Variants in PRKAA1 observed in about 807,000 individuals in gnomAD.
PRKAA1 encodes protein kinase AMP-activated catalytic subunit alpha 1.
A neutral mutation model predicts 56.9 loss-of-function variants in PRKAA1; 23 were observed. The ratio of observed to expected loss-of-function variants is 0.40; its 90% confidence interval spans 0.29 to 0.57. The LOEUF (loss-of-function observed/expected upper bound fraction) is 0.57, where lower values mean the gene tolerates loss of function less well. PRKAA1 is among the 20% of genes least tolerant of loss of function. The probability of loss-of-function intolerance (pLI) is 0.39; values close to 1 mark genes in which losing one functional copy is unlikely to be tolerated. For missense variants in PRKAA1, 413 were observed against 679.7 expected (o/e 0.61, Z 4.36); for synonymous variants, 226 against 227.0 (o/e 1.00, Z 0.04).
At position 40,764,641 on chromosome 5, in the gene PRKAA1, C is replaced by G; in HGVS notation, c.1309-1G>C. ...CACGCAAATAATATGGGTTTACAAC[C>G]TAGCACATGGTATAACAAAAACCAA... On this transcript the variant is annotated splice_acceptor_variant, in intron 7 of 8. Transcript: ENST00000397128. LOFTEE classifies it high-confidence loss of function. 6.2e-7 allele frequency: 1 copy of G among 1,613,248 alleles called. No homozygotes were observed. The highest frequency in any genetic ancestry group is 1.1e-5 in the South Asian group (1 of 90,986).
intron 1 of PRKAA1, among the ~76,000 whole-genome samples, chr5:40,792,195 C>G (rs546811380): frequency 2.0e-4 from 30 of 152,280 alleles, no homozygotes; most frequent in African/African-American, 6.7e-4. Flanking sequence ...GCCTTTTATA[C>G]ATAAGTGGTA....
Position 40,764,791 on chromosome 5 carries a change from T to C in PRKAA1, c.1269A>G (p.Glu423=), listed in dbSNP as rs1242002598. Residue 423 remains glutamate (E), a synonymous_variant, in exon 7 of 9, where the codon GAA becomes GAG. Coordinates refer to ENST00000397128, the MANE Select transcript of PRKAA1 (RefSeq NM_006251.6). The part of the protein sequence containing the change: ...SQSRPNDIMA[E]VCRAIKQLDY... Reference sequence around the variant, plus strand: ...CCAATTGTTTGATTGCTCTACATACTTCTGCCATAATATCATTTGGTCGAC... The same window carrying C: ...CCAATTGTTTGATTGCTCTACATACCTCTGCCATAATATCATTTGGTCGAC... The C allele has an allele frequency of 6.2e-7, 1 of 1,613,840 alleles. No individual in the cohort carries two copies. The highest frequency in any genetic ancestry group is 8.5e-7 in the Non-Finnish European group (1 of 1,179,804).
intron 1 of PRKAA1, among the ~76,000 whole-genome samples, chr5:40,792,070 C>T (rs1744740147): frequency 6.6e-6 from 1 of 152,216 alleles, no homozygotes; most frequent in African/African-American, 2.4e-5. Context: ...ACACAATGTC[C>T]TCCTTTACCT....
intron 1 of PRKAA1, among the ~76,000 whole-genome samples, chr5:40,786,825 G>T (rs2112082582): frequency 6.7e-6 from 1 of 149,260 alleles, no homozygotes; most frequent in South Asian, 2.1e-4. Context: ...TGCCAGTGGT[G>T]GTGCACGCCT....
chr5:40,771,691 C>T (rs532456619), intron 4 of PRKAA1, 28 bp downstream of exon 4: 20 of 1,580,638 alleles, frequency 1.3e-5, no homozygotes, highest in Middle Eastern at 1.7e-4. Flanking sequence ...TAGAAATGAA[C>T]GTTAAGAAAC....
intron 1 of PRKAA1, among the ~76,000 whole-genome samples, chr5:40,794,917 C>A (rs1337284665): frequency 6.6e-6 from 1 of 151,304 alleles, no homozygotes; most frequent in East Asian, 1.9e-4. Flanking sequence ...ATGTTTATAG[C>A]AGCACAATTC....
At chr5:40,775,204 C>T (rs1743943038) in intron 3 of PRKAA1, among the ~76,000 whole-genome samples, 1 of 152,224 alleles carries the variant, frequency 6.6e-6, no homozygotes, top group African/African-American at 2.4e-5. Flanking sequence ...CCGCGAGGCT[C>T]AGTATCCACA....
chr5:40,788,982 G>A lies in PRKAA1; in HGVS notation c.127+9081C>T, dbSNP rs1478231085. On this transcript the variant is annotated intron_variant, in intron 1 of 8. Transcript: ENST00000397128. ...TCTCAGCACTTTGGGAGGCCGACGC[G>A]GGTGGATCACTTGAGCCCAAGAATA... is the stretch of plus-strand genomic sequence containing the variant. Among the ~76,000 whole-genome samples the A allele has an allele frequency of 1.1e-4, 17 of 152,222 alleles. 1 individual carries two copies. In the South Asian group the frequency reaches 1.2e-3, roughly 11 times the overall value.
intron 1 of PRKAA1, among the ~76,000 whole-genome samples, chr5:40,791,675 A>C (rs1015414675): frequency 6.6e-6 from 1 of 152,244 alleles, no homozygotes; most frequent in East Asian, 1.9e-4. Context: ...TTAAGGAAAT[A>C]GCTTAATCCT....
chr5:40,797,561 T>G (rs1053480876), intron 1 of PRKAA1, among the ~76,000 whole-genome samples: 1 of 152,050 alleles, frequency 6.6e-6, no homozygotes, highest in Non-Finnish European at 1.5e-5. Flanking sequence ...GGAAACACAT[T>G]TCGCACTCGG....
intron 1 of PRKAA1, among the ~76,000 whole-genome samples, chr5:40,784,575 T>A (rs915874293): frequency 4.6e-5 from 7 of 152,176 alleles, no homozygotes; most frequent in African/African-American, 1.7e-4. Context: ...GCAGCTTAAT[T>A]TGATGTGAGT....
In PRKAA1 at chr5:40,777,474, C is replaced by G; in HGVS notation, c.240G>C (p.Lys80Asn). ...TAATTATATGAGGATGCCTGAAAAGCTTGAGGTTCTGAATTTCTCTGCGGA... is the reference window on the plus strand; with the variant it reads ...TAATTATATGAGGATGCCTGAAAAGGTTGAGGTTCTGAATTTCTCTGCGGA... Reference protein sequence around the residue: ...GKIRREIQNLKLFRHPHIIKL... With the variant: ...GKIRREIQNLNLFRHPHIIKL... Residue 80 changes from lysine (K) to asparagine (N), a missense_variant, in exon 2 of 9, where the codon AAG (lysine) becomes AAC (asparagine). Lys to Asn is a moderately conservative substitution (Grantham distance 94). This residue lies in a region of PRKAA1 where 16 missense variants were observed against 30.9 expected (regional missense o/e 0.52). Coordinates refer to ENST00000397128, the MANE Select transcript of PRKAA1 (RefSeq NM_006251.6). 6.2e-7 allele frequency: 1 copy of G among 1,613,414 alleles called. No individual in the cohort carries two copies. The highest frequency in any genetic ancestry group is 8.5e-7 in the Non-Finnish European group (1 of 1,179,410).
chr5:40,762,845 C>T lies in PRKAA1; in HGVS notation c.1613G>A (p.Arg538Lys), dbSNP rs1436516797. The change falls in exon 9 of 9, where the codon AGA becomes AAA. Residue 538 changes from arginine (R) to lysine (K), a missense_variant. This residue lies in a region of PRKAA1 where 139 missense variants were observed against 171.5 expected (regional missense o/e 0.81). Transcript: ENST00000397128. ...LDSSPVDLTP[R>K]PGSHTIEFFE... ...AAATTCTATTGTGTGACTTCCAGGT[C>T]TTGGAGTTAGGTCAACAGGAGAAGA... 6.2e-7 allele frequency: 1 copy of T among 1,614,098 alleles called. No individual in the cohort carries two copies. The highest frequency in any genetic ancestry group is 2.2e-5 in the East Asian group (1 of 44,876).
In PRKAA1 at chr5:40,765,213, G is replaced by T. The variant is rs1479685526; in HGVS notation, c.847C>A (p.Leu283Ile). Residue 283 changes from leucine (L) to isoleucine (I), a missense_variant, in exon 7 of 9, where the codon CTT becomes ATT. Coordinates refer to ENST00000397128, the MANE Select transcript of PRKAA1 (RefSeq NM_006251.6). Reference protein sequence around the residue: ...IREHEWFKQDLPKYLFPEDPS... With the variant: ...IREHEWFKQDIPKYLFPEDPS... Reference sequence around the variant, plus strand: ...TCCTCAGGAAAGAGATATTTTGGAAGGTCCTGTTTAAACCATTCATGTTCC... The same window carrying T: ...TCCTCAGGAAAGAGATATTTTGGAATGTCCTGTTTAAACCATTCATGTTCC... 1 of 1,613,290 alleles carries T rather than the reference G, an allele frequency of 6.2e-7. No homozygotes were observed.
chr5:40,771,846 ACTTT>A lies in PRKAA1; in HGVS notation c.377_380del (p.Glu126ValfsTer25). On this transcript the variant is annotated frameshift_variant, in exon 4 of 9. Transcript: ENST00000397128. LOFTEE classifies it high-confidence loss of function. ...AAAGGATCTGTTGGAACAGACGCCG[ACTTT>A]CTTTTTCATCCAGCTAAGAAAAGTT... The A allele has an allele frequency of 6.2e-7, 1 of 1,609,076 alleles. No individual in the cohort carries two copies. The highest frequency in any genetic ancestry group is 8.5e-7 in the Non-Finnish European group (1 of 1,179,058).
intron 5 of PRKAA1, among the ~76,000 whole-genome samples, chr5:40,769,090 C>G (rs1743604890): frequency 6.6e-6 from 1 of 152,066 alleles, no homozygotes; most frequent in Admixed American, 6.6e-5. Flanking sequence ...TTTAATTTTT[C>G]CTCTAAGTAA....
Position 40,771,875 on chromosome 5 carries a change from TAG to T in PRKAA1, c.364-14_364-13del, listed in dbSNP as rs1159427970. ...TCTTTTTCATCCAGCTAAGAAAAGTTAGAGAGGCTTTTTAAAGGTGTGTCTTT... is the reference window on the plus strand; with the variant it reads ...TCTTTTTCATCCAGCTAAGAAAAGTTAGAGGCTTTTTAAAGGTGTGTCTTT... On this transcript the variant is annotated splice_polypyrimidine_tract_variant and intron_variant, in intron 3 of 8. Coordinates refer to ENST00000397128, the MANE Select transcript of PRKAA1 (RefSeq NM_006251.6). 6.2e-7 allele frequency: 1 copy of T among 1,607,026 alleles called. No homozygotes were observed. The highest frequency in any genetic ancestry group is 2.2e-5 in the East Asian group (1 of 44,810).
intron 1 of PRKAA1, among the ~76,000 whole-genome samples, chr5:40,797,403 A>G (rs75728011): frequency 4.6e-5 from 7 of 152,240 alleles, no homozygotes; most frequent in African/African-American, 1.7e-4. Context: ...CTAAAGGCAC[A>G]GTCTCATTCA....
intron 3 of PRKAA1, among the ~76,000 whole-genome samples, chr5:40,775,205 A>G (rs1743943172): frequency 6.6e-6 from 1 of 152,272 alleles, no homozygotes; most frequent in Non-Finnish European, 1.5e-5. Flanking sequence ...CGCGAGGCTC[A>G]GTATCCACAT....
Sources: allele counts gnomAD v4.1 joint callset (sites outside exome capture counted in the v4.1 genomes callset), GRCh38; gene constraint gnomAD v4.1.1; regional missense constraint gnomAD v4.1.1; transcripts MANE v1.5; gene names NCBI Gene and HGNC (gene_info 2026-07-23, HGNC 2026-07-21).